Variants in RBFOX1 observed in about 807,000 individuals in gnomAD.
RBFOX1 encodes RNA binding fox-1 homolog 1, also known as RNA binding protein fox-1 homolog 1.
Under a neutral mutation model 57.7 loss-of-function variants are expected in RBFOX1, and 8 were observed. That is an observed-to-expected ratio of 0.14 (90% CI 0.08 to 0.25). The LOEUF (loss-of-function observed/expected upper bound fraction) is 0.25. Among genes scored for constraint, RBFOX1 ranks in the 10% least tolerant of loss-of-function variants. The probability of loss-of-function intolerance (pLI) is 1.00; values close to 1 mark genes in which losing one functional copy is unlikely to be tolerated. For synonymous variants in RBFOX1, 326 were observed against 222.4 expected, an observed-to-expected ratio of 1.47 and a Z score of -4.15; for missense variants, 611 against 548.5, an observed-to-expected ratio of 1.11 and a Z score of -1.14.
intron 5 of RBFOX1, among the ~76,000 whole-genome samples, chr16:7,559,586 G>A (rs1309273484): frequency 6.6e-6 from 1 of 152,178 alleles, no homozygotes; most frequent in Non-Finnish European, 1.5e-5. Flanking sequence ...TGATACACGA[G>A]ACACCCAATC....
intron 4 of RBFOX1, among the ~76,000 whole-genome samples, chr16:7,205,970 G>T (rs6500924): frequency 6.6e-6 from 1 of 152,344 alleles, no homozygotes; most frequent in East Asian, 1.9e-4. Context: ...TTTGATCTAC[G>T]ACATGATGAG....
At chr16:5,739,261 A>G (rs1229554618) in intron 3 of RBFOX1, among the ~76,000 whole-genome samples, 6 of 152,238 alleles carry the variant, frequency 3.9e-5, no homozygotes, top group Non-Finnish European at 8.8e-5. Flanking sequence ...CAATATGGAT[A>G]TTAAGGCTAG....
chr16:6,364,164 C>G (rs995951811), intron 2 of RBFOX1, among the ~76,000 whole-genome samples: 1 of 152,186 alleles, frequency 6.6e-6, no homozygotes, highest in East Asian at 1.9e-4. Context: ...CTCTCCTTTG[C>G]AAGCCAGGAA....
intron 4 of RBFOX1, among the ~76,000 whole-genome samples, chr16:7,447,012 C>T (rs1008777233): frequency 6.6e-6 from 1 of 151,342 alleles, no homozygotes; most frequent in Non-Finnish European, 1.5e-5. Context: ...ATGGGTTTCA[C>T]CATGTTAGCC....
chr16:6,929,010 T>G (rs925965278), intron 3 of RBFOX1, among the ~76,000 whole-genome samples: 1 of 152,146 alleles, frequency 6.6e-6, no homozygotes, highest in Admixed American at 6.6e-5. Context: ...CAGACACGCA[T>G]GCTTGAGTTC....
chr16:5,406,931 A>C (rs749510644), intron 1 of RBFOX1, among the ~76,000 whole-genome samples: 2 of 152,128 alleles, frequency 1.3e-5, no homozygotes. Flanking sequence ...CTTGGAGGGA[A>C]GTCAGGAGGG....
intron 1 of RBFOX1, among the ~76,000 whole-genome samples, chr16:6,278,110 C>G (rs1011512872): frequency 2.0e-5 from 3 of 152,066 alleles, no homozygotes; most frequent in African/African-American, 7.2e-5. Context: ...AATGGGGCAT[C>G]TCTTTGCCAT....
intron 3 of RBFOX1, among the ~76,000 whole-genome samples, chr16:5,837,237 G>A (rs944512084): frequency 2.7e-5 from 4 of 149,692 alleles, no homozygotes; most frequent in African/African-American, 9.9e-5. Context: ...TTCCAGTCCC[G>A]CTAGACTTTT....
chr16:5,991,735 A>T (rs1224423544), intron 4 of RBFOX1, among the ~76,000 whole-genome samples: 1 of 151,154 alleles, frequency 6.6e-6, no homozygotes, highest in Non-Finnish European at 1.5e-5. Context: ...CTTAGGAGCT[A>T]AACAGACCCG....
intron 2 of RBFOX1, among the ~76,000 whole-genome samples, chr16:5,526,111 C>T (rs1391796987): frequency 6.6e-6 from 1 of 152,128 alleles, no homozygotes; most frequent in African/African-American, 2.4e-5. Flanking sequence ...ATTTTCTCAG[C>T]CTCCTTGGCT....
chr16:7,542,844 GAA>G (rs1567746074), intron 5 of RBFOX1, among the ~76,000 whole-genome samples: 5 of 10,354 alleles, frequency 4.8e-4, no homozygotes, highest in African/African-American at 1.6e-3. Context: ...AGGGGAGAGA[GAA>G]GGAGAGGGAG....
At chr16:5,576,666 C>T (rs989323002) in intron 2 of RBFOX1, among the ~76,000 whole-genome samples, 9 of 152,214 alleles carry the variant, frequency 5.9e-5, no homozygotes, top group African/African-American at 2.2e-4. Flanking sequence ...AATGCCATCT[C>T]ATTTGTCTCT....
chr16:6,894,403 C>T (rs1415398582), intron 3 of RBFOX1, among the ~76,000 whole-genome samples: 2 of 152,140 alleles, frequency 1.3e-5, no homozygotes, highest in Non-Finnish European at 2.9e-5. Flanking sequence ...TTCCATTCAG[C>T]CCAAGTGGCA....
chr16:7,575,060 T>A (rs71374953), intron 5 of RBFOX1, among the ~76,000 whole-genome samples: 3 of 145,136 alleles, frequency 2.1e-5, no homozygotes, highest in African/African-American at 2.6e-5. Context: ...TGGGGGGGGC[T>A]GTGGGGGAGG....
chr16:5,331,451 A>C (rs1222022495), intron 1 of RBFOX1, among the ~76,000 whole-genome samples: 1 of 152,220 alleles, frequency 6.6e-6, no homozygotes, highest in Non-Finnish European at 1.5e-5. Context: ...AAGGATTTAG[A>C]TGGGGCTTGG....
At chr16:5,815,559 T>G (rs536947820) in intron 3 of RBFOX1, among the ~76,000 whole-genome samples, 1 of 152,054 alleles carries the variant, frequency 6.6e-6, no homozygotes, top group Non-Finnish European at 1.5e-5. Context: ...TCCATCTCCT[T>G]CTCTCCAGAG....
At chr16:7,652,216 T>C (rs2065216050) in intron 11 of RBFOX1, among the ~76,000 whole-genome samples, 1 of 152,128 alleles carries the variant, frequency 6.6e-6, no homozygotes, top group Non-Finnish European at 1.5e-5. Context: ...CAAAAGTGGT[T>C]TCCTGGCCCC....
At chr16:7,402,287 G>A (rs1439838524) in intron 4 of RBFOX1, among the ~76,000 whole-genome samples, 2 of 152,194 alleles carry the variant, frequency 1.3e-5, no homozygotes, top group African/African-American at 4.8e-5. Flanking sequence ...TAACTGCCCT[G>A]AAAGTGGTGG....
intron 4 of RBFOX1, among the ~76,000 whole-genome samples, chr16:7,477,800 G>C (rs553926940): frequency 6.6e-6 from 1 of 152,286 alleles, no homozygotes; most frequent in South Asian, 2.1e-4. Flanking sequence ...TGGGGGGAAG[G>C]TAGGTGGAAA....
Sources: allele counts gnomAD v4.1 joint callset (sites outside exome capture counted in the v4.1 genomes callset), GRCh38; gene constraint gnomAD v4.1.1; transcripts MANE v1.5; gene names NCBI Gene and HGNC (gene_info 2026-07-23, HGNC 2026-07-21).